The following PTPN14 variants were observed in gnomAD, a reference collection of about 807,000 sequenced individuals.
The protein encoded by PTPN14 is tyrosine-protein phosphatase non-receptor type 14.
In PTPN14, 53 loss-of-function variants were observed where a neutral mutation model predicts 126.8. The ratio of observed to expected loss-of-function variants is 0.42; its 90% CI spans 0.34 to 0.53. PTPN14 has a LOEUF of 0.53. Ranked by LOEUF, PTPN14 falls within the 20% of genes least tolerant of loss-of-function variation. The probability of loss-of-function intolerance (pLI) is 0.08; values close to 1 mark genes in which losing one functional copy is unlikely to be tolerated. For missense variants in PTPN14, 1,257 were observed against 1,552.9 expected, an observed-to-expected ratio of 0.81 and a Z score of 3.20; for synonymous variants, 630 against 599.3, an observed-to-expected ratio of 1.05 and a Z score of -0.75.
chr1:214,509,437 G>A (rs183989677), intron 1 of PTPN14, among the ~76,000 whole-genome samples: 52 of 152,346 alleles, frequency 3.4e-4, no homozygotes, highest in Admixed American at 6.5e-4. Context: ...ATTGAAGAGA[G>A]TTAGGGCTTA....
intron 1 of PTPN14, among the ~76,000 whole-genome samples, chr1:214,512,841 T>C (rs1655010870): frequency 1.3e-5 from 2 of 152,054 alleles, no homozygotes; most frequent in Admixed American, 1.3e-4. Flanking sequence ...CAGGCGCACA[T>C]CATCATGCCC....
At chr1:214,507,439 A>T (rs923588916) in intron 1 of PTPN14, among the ~76,000 whole-genome samples, 1 of 152,236 alleles carries the variant, frequency 6.6e-6, no homozygotes, top group East Asian at 1.9e-4. Context: ...GTCAAGACAC[A>T]GCATATATAC....
rs6669161 is a variant in PTPN14 at position 214,533,125 on chromosome 1, A to C, written c.-155+18058T>G. ...CGACCTGGACTCCATGAAAAATCTG[A>C]AGGCCAGCTTGGAGAACAGCCTGAG... On this transcript the variant is annotated intron_variant, in intron 1 of 18. Transcript: ENST00000366956. The C allele has an allele frequency of 7.6e-3, 5,682 of 742,978 alleles. 203 individuals carry two copies. In the African/African-American group the frequency reaches 0.086, roughly 11 times the overall value. 46.0% of individuals were successfully genotyped at this position (742,978 alleles called of 1,614,324 possible). A position where few individuals can be genotyped will look rare whatever the true frequency, so the allele number is the denominator to read the frequency against.
intron 3 of PTPN14, among the ~76,000 whole-genome samples, chr1:214,423,026 C>T (rs75674327): frequency 0.015 from 2,231 of 152,170 alleles, 52 homozygotes; most frequent in African/African-American, 0.051. Flanking sequence ...AAAGCAGAGG[C>T]TCATGTCTGT....
chr1:214,417,834 T>A (rs1334456588), intron 3 of PTPN14, among the ~76,000 whole-genome samples: 1 of 151,758 alleles, frequency 6.6e-6, no homozygotes, highest in Non-Finnish European at 1.5e-5. Flanking sequence ...TCCCCACAAG[T>A]GAAATCTTCA....
rs115368048 is a variant in PTPN14 at position 214,497,183 on chromosome 1, T to C, written c.-154-32226A>G. 3.2e-3 allele frequency among the ~76,000 whole-genome samples: 482 copies of C among 152,102 alleles called. 3 individuals are homozygous for C. Among genetic ancestry groups the C allele is most frequent in the African/African-American group, 0.011 (455 of 41,498 alleles). The stretch of plus-strand genomic sequence containing the variant: ...AACCTGGAGGAAAATACTTGCAACA[T>C]ATGTAACAGACAAAAAAAGTTAGTA... On this transcript the variant is annotated intron_variant, in intron 1 of 18. Transcript: ENST00000366956.
At chr1:214,436,221 T>A (rs1214354701) in intron 3 of PTPN14, among the ~76,000 whole-genome samples, 1 of 151,914 alleles carries the variant, frequency 6.6e-6, no homozygotes, top group Non-Finnish European at 1.5e-5. Context: ...AAGAAGGGAA[T>A]AACAAACACC....
chr1:214,476,569 T>G (rs1318660425), intron 1 of PTPN14, among the ~76,000 whole-genome samples: 2 of 152,130 alleles, frequency 1.3e-5, no homozygotes, highest in African/African-American at 4.8e-5. Flanking sequence ...ATCCAAACAG[T>G]GAGCAGCAGC....
intron 1 of PTPN14, among the ~76,000 whole-genome samples, chr1:214,542,145 CAT>C (rs1293713546): frequency 6.6e-6 from 1 of 151,730 alleles, no homozygotes; most frequent in African/African-American, 2.4e-5. Flanking sequence ...TGTACACACA[CAT>C]ATAGTATGTA....
At chr1:214,415,388 C>G (rs953829403) in intron 3 of PTPN14, among the ~76,000 whole-genome samples, 5 of 152,152 alleles carry the variant, frequency 3.3e-5, no homozygotes, top group African/African-American at 1.2e-4. Context: ...AATAAAATAG[C>G]CCTCTTAGAA....
Position 214,384,864 on chromosome 1 carries a change from G to T in PTPN14, c.1067-76C>A. On this transcript the variant is annotated intron_variant, in intron 12 of 18. Transcript: ENST00000366956. This position sits in a 1 kb window ranked among gnomAD's most constrained non-coding sequence, Gnocchi z 5.3. ...ACAAAGTACATCCTCATACTCATGA[G>T]GTGACTTTTAATTTAAACAAATCAT... The T allele has an allele frequency of 1.3e-6, 2 of 1,504,700 alleles. No homozygotes were observed. The highest frequency in any genetic ancestry group is 2.6e-5 in the South Asian group (2 of 75,614). The allele number at this position is 1,504,700 out of a possible 1,614,324, so 93.2% of individuals were successfully genotyped here.
chr1:214,540,318 C>T (rs1416179299), intron 1 of PTPN14, among the ~76,000 whole-genome samples: 3 of 152,006 alleles, frequency 2.0e-5, no homozygotes, highest in Admixed American at 2.0e-4. Context: ...AAGAATAGGC[C>T]TAATAGATCA....
chr1:214,410,753 A>G (rs947928309), intron 5 of PTPN14, among the ~76,000 whole-genome samples: 1 of 152,014 alleles, frequency 6.6e-6, no homozygotes, highest in African/African-American at 2.4e-5. Flanking sequence ...TGAAAAATCT[A>G]TTGGTTTTAG....
chr1:214,512,209 C>T (rs1299096782), intron 1 of PTPN14, among the ~76,000 whole-genome samples: 1 of 151,892 alleles, frequency 6.6e-6, no homozygotes, highest in Non-Finnish European at 1.5e-5. Flanking sequence ...GACTGCTGTA[C>T]CCCACAGCCT....
intron 8 of PTPN14, 127 bp downstream of exon 8, chr1:214,397,786 T>C (rs1418908479): frequency 6.9e-6 from 5 of 724,072 alleles, no homozygotes; most frequent in Middle Eastern, 2.6e-4. Context: ...GCTCACCTTA[T>C]ATGAGCTGAG....
intron 11 of PTPN14, among the ~76,000 whole-genome samples, chr1:214,389,243 A>AT (rs1402515403): frequency 1.3e-5 from 2 of 152,118 alleles, no homozygotes; most frequent in Non-Finnish European, 2.9e-5. Flanking sequence ...TTTAAAAAAA[A>AT]CCAATAAGTA....
Sources: allele counts gnomAD v4.1 joint callset (sites outside exome capture counted in the v4.1 genomes callset), GRCh38; gene constraint gnomAD v4.1.1; non-coding constraint Gnocchi (gnomAD v3.1); transcripts MANE v1.5; gene names NCBI Gene and HGNC (gene_info 2026-07-23, HGNC 2026-07-21).